HPSE2: variants seen among roughly 807,000 people sequenced by gnomAD.
HPSE2 encodes inactive heparanase-2.
In HPSE2, 38 loss-of-function variants were observed where a neutral mutation model predicts 60.5. That is an observed-to-expected ratio of 0.63 (90% CI 0.48 to 0.82). The LOEUF (loss-of-function observed/expected upper bound fraction) is 0.82. HPSE2 is among the 40% of genes least tolerant of loss of function. HPSE2 has a pLI of 0.00. For missense variants in HPSE2, 713 were observed against 740.4 expected (o/e 0.96, Z 0.43); for synonymous variants, 295 against 293.2 (o/e 1.01, Z -0.06).
At chr10:99,234,209 G>T (rs146928126) in intron 1 of HPSE2, among the ~76,000 whole-genome samples, 1,591 of 152,258 alleles carry the variant, frequency 0.01, 17 homozygotes, top group Non-Finnish European at 0.015. Context: ...GAACCGAAAC[G>T]GCCTCGGCAA....
intron 7 of HPSE2, 41 bp downstream of exon 7, chr10:98,641,806 C>G (rs1459199887): frequency 1.4e-6 from 2 of 1,432,934 alleles, no homozygotes; most frequent in Non-Finnish European, 2.0e-6. Flanking sequence ...TTGTCTTACC[C>G]CCAGAATCGC....
chr10:98,696,301 A>C (rs1230733116), intron 5 of HPSE2, among the ~76,000 whole-genome samples: 3 of 149,702 alleles, frequency 2.0e-5, no homozygotes, highest in Non-Finnish European at 4.5e-5. Context: ...ATAAAAAAAA[A>C]AAAAAAAAAA....
At chr10:99,214,797 C>G (rs1849065569) in intron 2 of HPSE2, among the ~76,000 whole-genome samples, 1 of 151,788 alleles carries the variant, frequency 6.6e-6, no homozygotes, top group African/African-American at 2.4e-5. Context: ...AGACACTTCT[C>G]AAAAGAAGAC....
intron 7 of HPSE2, among the ~76,000 whole-genome samples, chr10:98,640,289 G>A (rs899346618): frequency 6.6e-6 from 1 of 152,168 alleles, no homozygotes; most frequent in Admixed American, 6.5e-5. Flanking sequence ...ATATCAAACA[G>A]GGACTGGTAG....
chr10:98,901,216 T>G (rs1031631875), intron 3 of HPSE2, among the ~76,000 whole-genome samples: 1 of 152,156 alleles, frequency 6.6e-6, no homozygotes, highest in South Asian at 2.1e-4. Flanking sequence ...GGAGGAGGTG[T>G]TAGCCAAGGA....
At chr10:99,204,351 C>T (rs1848674067) in intron 2 of HPSE2, among the ~76,000 whole-genome samples, 1 of 152,242 alleles carries the variant, frequency 6.6e-6, no homozygotes, top group African/African-American at 2.4e-5. Context: ...AGCAGTCCAT[C>T]CCATGGACCA....
rs34434956 is a variant in HPSE2, at chr10:98,997,112, CTTTTTTT to C, written c.610+147119_610+147125del. On this transcript the variant is annotated intron_variant, in intron 3 of 11. Coordinates refer to ENST00000370552, the MANE Select transcript of HPSE2 (RefSeq NM_021828.5). ...TTACTTTAGTCAATACAGACCCTTT[CTTTTTTT>C]TTTTTTTTTTTGAGACAGAGTCTCA... is the stretch of plus-strand genomic sequence containing the variant. Among the ~76,000 whole-genome samples, 377 of 119,714 alleles carry C rather than the reference CTTTTTTT, an allele frequency of 3.1e-3. 1 individual carries two copies. The highest frequency in any genetic ancestry group is 0.012 in the African/African-American group (367 of 31,354). 78.5% of individuals were successfully genotyped at this position (119,714 alleles called of 152,430 possible).
rs113848999 is a variant in HPSE2, at chr10:98,556,822, C to T, written c.1320+58082G>A. On this transcript the variant is annotated intron_variant, in intron 9 of 11. Coordinates refer to ENST00000370552, the MANE Select transcript of HPSE2 (RefSeq NM_021828.5). ...TAATGAGCTGAGTCTAAAATTTATA[C>T]GGCAATGCCAAAAGCCAAAAATATC... is the stretch of plus-strand genomic sequence containing the variant. Among the ~76,000 whole-genome samples the T allele has an allele frequency of 7.0e-3, 1,067 of 151,966 alleles. 12 individuals carry two copies. The highest frequency in any genetic ancestry group is 0.022 in the African/African-American group (903 of 41,242).
At chr10:98,813,472 G>A (rs190649963) in intron 3 of HPSE2, among the ~76,000 whole-genome samples, 1 of 152,144 alleles carries the variant, frequency 6.6e-6, no homozygotes, top group Non-Finnish European at 1.5e-5. Context: ...AAGAATTGCT[G>A]ATCTTAGAAA....
At chr10:98,789,363 T>A (rs895047939) in intron 3 of HPSE2, among the ~76,000 whole-genome samples, 1 of 152,124 alleles carries the variant, frequency 6.6e-6, no homozygotes, top group African/African-American at 2.4e-5. Flanking sequence ...CTTGAGAGGA[T>A]GAATGTTGCA....
intron 3 of HPSE2, among the ~76,000 whole-genome samples, chr10:98,972,994 T>C (rs1180367752): frequency 3.3e-5 from 5 of 152,156 alleles, no homozygotes; most frequent in Non-Finnish European, 5.9e-5. Flanking sequence ...ATATATTGAT[T>C]CCTGAGTCAT....
intron 6 of HPSE2, among the ~76,000 whole-genome samples, chr10:98,657,912 C>T (rs1947118629): frequency 6.6e-6 from 1 of 151,706 alleles, no homozygotes; most frequent in Non-Finnish European, 1.5e-5. Context: ...TCAGGACTAC[C>T]TGGTATTTTT....
At chr10:99,157,584 C>T (rs1355391993) in intron 2 of HPSE2, among the ~76,000 whole-genome samples, 2 of 139,868 alleles carry the variant, frequency 1.4e-5, no homozygotes, top group African/African-American at 5.0e-5. Flanking sequence ...TTCCTTATAC[C>T]TTATACAAAA....
intron 3 of HPSE2, among the ~76,000 whole-genome samples, chr10:98,972,651 T>C (rs74154358): frequency 0.033 from 4,978 of 152,258 alleles, 287 homozygotes; most frequent in African/African-American, 0.11. Context: ...GAGTTATTTA[T>C]AAGTTAATAA....
intron 3 of HPSE2, among the ~76,000 whole-genome samples, chr10:98,999,197 A>ATGTGTGTGTGTG (rs1589492039): frequency 1.5e-4 from 18 of 122,650 alleles, no homozygotes; most frequent in Admixed American, 7.1e-4. Flanking sequence ...GTGTGTGTGC[A>ATGTGTGTGTGTG]TGTGTGTGTA....
chr10:98,664,157 C>T (rs1947297550), intron 6 of HPSE2, among the ~76,000 whole-genome samples: 1 of 152,126 alleles, frequency 6.6e-6, no homozygotes. Flanking sequence ...CTCAGCTGCT[C>T]CTAGCCAGGC....
At chr10:98,979,129 A>C (rs1214915364) in intron 3 of HPSE2, among the ~76,000 whole-genome samples, 1 of 152,186 alleles carries the variant, frequency 6.6e-6, no homozygotes, top group Non-Finnish European at 1.5e-5. Flanking sequence ...GAAGGCTGTG[A>C]TAGGCCTGAT....
chr10:99,035,179 C>T (rs562143564), intron 3 of HPSE2, among the ~76,000 whole-genome samples: 6 of 152,288 alleles, frequency 3.9e-5, no homozygotes, highest in East Asian at 1.9e-4. Context: ...AACTTTTGGA[C>T]GCTTTTGTAA....
chr10:99,027,454 T>A (rs1957402902), intron 3 of HPSE2, among the ~76,000 whole-genome samples: 1 of 151,954 alleles, frequency 6.6e-6, no homozygotes, highest in African/African-American at 2.4e-5. Flanking sequence ...AATAACAAGA[T>A]CAAAGTTGTA....
Sources: gnomAD v4.1 joint callset for allele counts (sites outside exome capture counted in the v4.1 genomes callset) on GRCh38, gnomAD v4.1.1 for gene constraint, MANE v1.5 for transcripts, NCBI Gene and HGNC (gene_info 2026-07-23, HGNC 2026-07-21) for gene names.